The following PRSS23 variants were observed in gnomAD, a reference collection of about 807,000 sequenced individuals.
PRSS23 encodes protease, serine 23.
A neutral mutation model predicts 34.7 loss-of-function variants in PRSS23; 25 were observed. The observed-to-expected ratio is 0.72, with a 90% CI of 0.53 to 1.01. PRSS23 has a LOEUF of 1.01. Ranked by LOEUF, PRSS23 falls within the 50% of genes least tolerant of loss-of-function variation. The pLI is 0.00. For missense variants in PRSS23, 445 were observed against 475.6 expected (o/e 0.94, Z 0.60); for synonymous variants, 176 against 186.6 (o/e 0.94, Z 0.46).
chr11:86,853,711 C>T (rs1308132984), intron 2 of PRSS23, among the ~76,000 whole-genome samples: 1 of 152,078 alleles, frequency 6.6e-6, no homozygotes, highest in Non-Finnish European at 1.5e-5. Context: ...ATATCTCTTC[C>T]ACTGCTGGCT....
intron 2 of PRSS23, among the ~76,000 whole-genome samples, chr11:86,827,417 A>C (rs1948311218): frequency 6.6e-6 from 1 of 151,850 alleles, no homozygotes; most frequent in South Asian, 2.1e-4. Context: ...GCAGTCTATC[A>C]ATTTTGTTGA....
chr11:86,874,022 G>A (rs1257121208), intron 2 of PRSS23, among the ~76,000 whole-genome samples: 1 of 152,214 alleles, frequency 6.6e-6, no homozygotes, highest in Non-Finnish European at 1.5e-5. Flanking sequence ...TCTATGTCTT[G>A]TGATGGAAAA....
At chr11:86,806,974 A>G (rs1303909177) in intron 1 of PRSS23, among the ~76,000 whole-genome samples, 4 of 152,208 alleles carry the variant, frequency 2.6e-5, no homozygotes, top group East Asian at 3.8e-4. Context: ...CTGGAACTCA[A>G]TATATATAAT....
intron 2 of PRSS23, chr11:86,934,145 T>C (rs1949145155): frequency 6.6e-6 from 1 of 152,182 alleles, no homozygotes; most frequent in African/African-American, 2.4e-5. Context: ...GGACTTGAAA[T>C]AACAGATGTA....
intron 2 of PRSS23, among the ~76,000 whole-genome samples, chr11:86,827,364 T>G (rs183108469): frequency 6.6e-6 from 1 of 152,368 alleles, no homozygotes; most frequent in East Asian, 1.9e-4. Flanking sequence ...TTTTATTGCC[T>G]CTATTTGATT....
chr11:86,846,986 G>A (rs1948491084), intron 2 of PRSS23, among the ~76,000 whole-genome samples: 1 of 152,202 alleles, frequency 6.6e-6, no homozygotes, highest in Non-Finnish European at 1.5e-5. Context: ...GGCCTATCAA[G>A]TACAATCTAT....
chr11:86,949,582 G>A (rs1202858330), intron 2 of PRSS23: 1 of 152,628 alleles, frequency 6.6e-6, no homozygotes, highest in African/African-American at 2.4e-5. Flanking sequence ...CCTAAGGCAA[G>A]GTAAGAGAAA....
At chr11:86,888,109 G>GT (rs1347691976) in intron 2 of PRSS23, among the ~76,000 whole-genome samples, 31 of 119,886 alleles carry the variant, frequency 2.6e-4, no homozygotes, top group Admixed American at 1.7e-3. Context: ...CATCAAGTTG[G>GT]TTTTTTTTAA....
chr11:86,892,672 G>T (rs1403386570), intron 2 of PRSS23, among the ~76,000 whole-genome samples: 2 of 152,092 alleles, frequency 1.3e-5, no homozygotes, highest in Non-Finnish European at 2.9e-5. Context: ...GGCTTTATAA[G>T]ATTGAATTAT....
intron 2 of PRSS23, among the ~76,000 whole-genome samples, chr11:86,838,694 A>G (rs899048126): frequency 6.6e-6 from 1 of 152,124 alleles, no homozygotes; most frequent in African/African-American, 2.4e-5. Context: ...AACCCTGTGT[A>G]GCCTGACTGG....
At chr11:86,846,098 C>T (rs1948484098) in intron 2 of PRSS23, among the ~76,000 whole-genome samples, 1 of 152,184 alleles carries the variant, frequency 6.6e-6, no homozygotes, top group African/African-American at 2.4e-5. Flanking sequence ...GTTCAGGACA[C>T]CTTCCACAGT....
At chr11:86,924,977 G>A (rs963308596) in intron 2 of PRSS23, 12 of 152,182 alleles carry the variant, frequency 7.9e-5, no homozygotes, top group Admixed American at 2.0e-4. Flanking sequence ...TTAACTCACC[G>A]AGGGGAGTTG....
At chr11:86,827,752 C>T (rs1245750870) in intron 2 of PRSS23, among the ~76,000 whole-genome samples, 2 of 152,166 alleles carry the variant, frequency 1.3e-5, no homozygotes, top group Admixed American at 6.5e-5. Flanking sequence ...TCGTTATGTA[C>T]CCAGTAGTCA....
At chr11:86,821,860 G>T (rs964909852) in intron 1 of PRSS23, 1 of 412,672 alleles carries the variant, frequency 2.4e-6, no homozygotes, top group South Asian at 5.6e-5. Context: ...ATAAGTAAGA[G>T]TACCAATAAT....
intron 2 of PRSS23, among the ~76,000 whole-genome samples, chr11:86,885,893 T>G (rs575927009): frequency 6.6e-6 from 1 of 152,228 alleles, no homozygotes; most frequent in South Asian, 2.1e-4. Context: ...TCAGAAAATA[T>G]GTCCATCAAC....
intron 1 of PRSS23, among the ~76,000 whole-genome samples, chr11:86,792,849 G>A (rs931156956): frequency 2.6e-5 from 4 of 152,162 alleles, no homozygotes; most frequent in African/African-American, 7.2e-5. Flanking sequence ...TAGAAGTGGG[G>A]TAAACTTACG....
intron 2 of PRSS23, among the ~76,000 whole-genome samples, chr11:86,836,206 C>A (rs2134896730): frequency 6.6e-6 from 1 of 152,216 alleles, no homozygotes; most frequent in South Asian, 2.1e-4. Flanking sequence ...CCTCCACTGT[C>A]CGTTGGGTTT....
At chr11:86,792,859 G>C (rs971545375) in intron 1 of PRSS23, among the ~76,000 whole-genome samples, 1 of 152,092 alleles carries the variant, frequency 6.6e-6, no homozygotes, top group Admixed American at 6.5e-5. Flanking sequence ...GTAAACTTAC[G>C]GATGACGTTT....
At chr11:86,866,656 A>C (rs145371833) in intron 2 of PRSS23, among the ~76,000 whole-genome samples, 31 of 152,342 alleles carry the variant, frequency 2.0e-4, no homozygotes, top group African/African-American at 7.0e-4. Flanking sequence ...CAACAAATCT[A>C]ATGTTGAAAT....
Sources: allele counts gnomAD v4.1 joint callset (sites outside exome capture counted in the v4.1 genomes callset), GRCh38; gene constraint gnomAD v4.1.1; transcripts MANE v1.5; gene names NCBI Gene and HGNC (gene_info 2026-07-23, HGNC 2026-07-21).